RANBP2: variants seen among roughly 807,000 people sequenced by gnomAD.
RANBP2 encodes the protein E3 SUMO-protein ligase RanBP2.
A neutral mutation model predicts 303.6 loss-of-function variants in RANBP2; 57 were observed. The ratio of observed to expected loss-of-function variants is 0.19; its 90% confidence interval spans 0.15 to 0.23. The LOEUF (loss-of-function observed/expected upper bound fraction) is 0.23, where lower values mean the gene tolerates loss of function less well. RANBP2 is among the 10% of genes least tolerant of loss of function. The pLI is 1.00. For synonymous variants in RANBP2, 1,167 were observed against 1,301.5 expected, an observed-to-expected ratio of 0.90 and a Z score of 2.23; for missense variants, 3,138 against 3,780.8, an observed-to-expected ratio of 0.83 and a Z score of 4.46.
At chr2:109,482,683 G>C in the RANBP2 span, among the ~76,000 whole-genome samples, 1 of 152,202 alleles carries the variant, frequency 6.6e-6, no homozygotes, top group Admixed American at 6.5e-5. Context: ...CAGCTTCCAA[G>C]AACAAGGATG....
At chr2:109,624,862 C>T in the RANBP2 span, among the ~76,000 whole-genome samples, 3 of 152,048 alleles carry the variant, frequency 2.0e-5, no homozygotes, top group African/African-American at 7.2e-5. Flanking sequence ...GGGCAGATCA[C>T]CTGAGGTCAG....
At chr2:109,366,212 TTAA>T in the RANBP2 span, among the ~76,000 whole-genome samples, 3 of 152,232 alleles carry the variant, frequency 2.0e-5, no homozygotes, top group Non-Finnish European at 4.4e-5. Context: ...AATAGTAAAA[TTAA>T]TGATGACATT....
At chr2:109,360,996 C>T in the RANBP2 span, among the ~76,000 whole-genome samples, 8 of 152,104 alleles carry the variant, frequency 5.3e-5, no homozygotes, top group African/African-American at 1.2e-4. Context: ...TGAAGAAGTT[C>T]CCCTCTATTT....
chr2:108,868,517 C>CCTCA, the RANBP2 span, among the ~76,000 whole-genome samples: 1 of 152,272 alleles, frequency 6.6e-6, no homozygotes, highest in East Asian at 1.9e-4. Context: ...CCTCTTTCTA[C>CCTCA]CTCACCTGTC....
chr2:109,151,564 C>T, the RANBP2 span, among the ~76,000 whole-genome samples: 4 of 152,294 alleles, frequency 2.6e-5, no homozygotes, highest in East Asian at 1.9e-4. Flanking sequence ...CAAAATATGT[C>T]GGCATGTAGT....
At chr2:108,728,562 A>T (rs1395238743) in intron 1 of RANBP2, among the ~76,000 whole-genome samples, 1 of 151,888 alleles carries the variant, frequency 6.6e-6, no homozygotes, top group Non-Finnish European at 1.5e-5. Context: ...AAGTGCTAGA[A>T]TTAAAGGTGT....
chr2:109,463,594 G>A, the RANBP2 span, among the ~76,000 whole-genome samples: 2 of 152,296 alleles, frequency 1.3e-5, no homozygotes, highest in East Asian at 1.9e-4. Flanking sequence ...TCTGATTATT[G>A]TGCAACTTGG....
At chr2:109,360,869 C>A in the RANBP2 span, among the ~76,000 whole-genome samples, 1 of 152,172 alleles carries the variant, frequency 6.6e-6, no homozygotes, top group Non-Finnish European at 1.5e-5. Context: ...AAAGCAGGGG[C>A]AGAGAGTACA....
chr2:109,447,920 C>T, the RANBP2 span, among the ~76,000 whole-genome samples: 1 of 152,172 alleles, frequency 6.6e-6, no homozygotes, highest in Non-Finnish European at 1.5e-5. Context: ...CCTGGAAGCC[C>T]GGTGCTTCGA....
the RANBP2 span, among the ~76,000 whole-genome samples, chr2:109,342,239 A>G: frequency 7.2e-5 from 11 of 152,180 alleles, no homozygotes; most frequent in African/African-American, 2.7e-4. Flanking sequence ...GCTATTAGCA[A>G]TAGGATCTTG....
At chr2:109,473,380 C>T in the RANBP2 span, among the ~76,000 whole-genome samples, 1 of 152,126 alleles carries the variant, frequency 6.6e-6, no homozygotes, top group Admixed American at 6.5e-5. Flanking sequence ...ATAGGGCGTG[C>T]TCTGAGGCCC....
At chr2:109,446,618 T>C in the RANBP2 span, among the ~76,000 whole-genome samples, 1 of 152,082 alleles carries the variant, frequency 6.6e-6, no homozygotes, top group Non-Finnish European at 1.5e-5. Context: ...CTTGCAGCTA[T>C]GAGGGAGGTG....
the RANBP2 span, among the ~76,000 whole-genome samples, chr2:108,996,585 G>A: frequency 6.6e-6 from 1 of 152,182 alleles, no homozygotes; most frequent in Non-Finnish European, 1.5e-5. Context: ...CTGGGAGAGA[G>A]TATGTGGAAA....
the RANBP2 span, among the ~76,000 whole-genome samples, chr2:108,951,189 G>A: frequency 6.6e-6 from 1 of 152,258 alleles, no homozygotes; most frequent in Admixed American, 6.5e-5. Context: ...CCTTCTCCTG[G>A]TTATATGAGC....
At chr2:109,546,603 T>C in the RANBP2 span, among the ~76,000 whole-genome samples, 6 of 151,924 alleles carry the variant, frequency 3.9e-5, no homozygotes, top group African/African-American at 1.5e-4. Context: ...AGAAAGAAAT[T>C]ACCAGAAAGG....
chr2:109,078,972 C>T, the RANBP2 span, among the ~76,000 whole-genome samples: 2 of 151,508 alleles, frequency 1.3e-5, no homozygotes, highest in African/African-American at 4.9e-5. Flanking sequence ...GCCTGGGCAA[C>T]GGAGCGAGAC....
the RANBP2 span, chr2:109,437,279 A>G: frequency 1.5e-6 from 2 of 1,378,578 alleles, no homozygotes; most frequent in African/African-American, 2.9e-5. Context: ...CAGCTGGAGA[A>G]ACTTAAGGAA....
chr2:109,511,111 G>A, the RANBP2 span, among the ~76,000 whole-genome samples: 1 of 152,218 alleles, frequency 6.6e-6, no homozygotes, highest in African/African-American at 2.4e-5. Flanking sequence ...TCAGGAAGGG[G>A]CAAAGAGGTG....
the RANBP2 span, among the ~76,000 whole-genome samples, chr2:108,808,347 C>G: frequency 4.1e-4 from 62 of 152,256 alleles, no homozygotes; most frequent in Non-Finnish European, 6.8e-4. Context: ...CTTCAATATA[C>G]TGATTTTCTC....
Sources: allele counts gnomAD v4.1 joint callset (sites outside exome capture counted in the v4.1 genomes callset), GRCh38; gene constraint gnomAD v4.1.1; transcripts MANE v1.5; gene names NCBI Gene and HGNC (gene_info 2026-07-23, HGNC 2026-07-21).